GRIP1: variants seen among roughly 807,000 people sequenced by gnomAD.
GRIP1 encodes glutamate receptor-interacting protein 1.
A neutral mutation model predicts 129.9 loss-of-function variants in GRIP1; 45 were observed. That is an observed-to-expected ratio of 0.35 (90% CI 0.27 to 0.44). The LOEUF (loss-of-function observed/expected upper bound fraction) is 0.44, where lower values mean the gene tolerates loss of function less well. Ranked by LOEUF, GRIP1 falls within the 20% of genes least tolerant of loss-of-function variation. The pLI is 1.00. For missense variants in GRIP1, 1,196 were observed against 1,396.8 expected (o/e 0.86, Z 2.29); for synonymous variants, 530 against 520.8 (o/e 1.02, Z -0.24).
chr12:66,906,615 C>T (rs1460551690), intron 1 of GRIP1, among the ~76,000 whole-genome samples: 3 of 152,098 alleles, frequency 2.0e-5, no homozygotes, highest in African/African-American at 4.8e-5. Context: ...CACTCTGGGA[C>T]TAGGTCATCC....
At chr12:67,010,423 A>T (rs552433999) in intron 1 of GRIP1, among the ~76,000 whole-genome samples, 84 of 152,090 alleles carry the variant, frequency 5.5e-4, no homozygotes, top group African/African-American at 1.9e-3. Flanking sequence ...ATTCACATTT[A>T]AAAAAAATAA....
At chr12:66,531,250 AAAATATATAT>A (rs2061443025) in intron 4 of GRIP1, among the ~76,000 whole-genome samples, 5 of 35,110 alleles carry the variant, frequency 1.4e-4, no homozygotes, top group Non-Finnish European at 9.8e-5. Flanking sequence ...AAAAAAAAAA[AAAATATATAT>A]ATATATATAT....
intron 1 of GRIP1, among the ~76,000 whole-genome samples, chr12:66,702,383 T>C (rs2035379941): frequency 6.6e-6 from 1 of 152,166 alleles, no homozygotes; most frequent in Admixed American, 6.6e-5. Context: ...TATGCTAAAT[T>C]CTCTGCTTTT....
intron 4 of GRIP1, among the ~76,000 whole-genome samples, chr12:66,532,489 C>G (rs1236583549): frequency 6.6e-6 from 1 of 152,132 alleles, no homozygotes; most frequent in Non-Finnish European, 1.5e-5. Flanking sequence ...TTTGAAATTA[C>G]AAACTCCTTC....
At chr12:66,737,563 T>C (rs2036646768) in intron 1 of GRIP1, among the ~76,000 whole-genome samples, 1 of 152,202 alleles carries the variant, frequency 6.6e-6, no homozygotes, top group Non-Finnish European at 1.5e-5. Context: ...ATTACAGGCA[T>C]GAGCTCACCT....
chr12:67,004,969 C>T (rs553321552), intron 1 of GRIP1, among the ~76,000 whole-genome samples: 1 of 151,708 alleles, frequency 6.6e-6, no homozygotes, highest in East Asian at 1.9e-4. Context: ...TCTTCCAGTG[C>T]AACCATGAGA....
intron 1 of GRIP1, among the ~76,000 whole-genome samples, chr12:67,055,743 T>A (rs1325357879): frequency 6.6e-6 from 1 of 152,212 alleles, no homozygotes; most frequent in Non-Finnish European, 1.5e-5. Flanking sequence ...TGTTTTTATA[T>A]GATTATGAGA....
At chr12:66,474,137 A>C (rs2059530265) in intron 7 of GRIP1, among the ~76,000 whole-genome samples, 1 of 152,040 alleles carries the variant, frequency 6.6e-6, no homozygotes, top group Non-Finnish European at 1.5e-5. Flanking sequence ...GAAGAACATA[A>C]ATGACCTGTT....
intron 19 of GRIP1, among the ~76,000 whole-genome samples, chr12:66,381,435 C>A (rs1180509548): frequency 1.3e-5 from 2 of 152,192 alleles, no homozygotes; most frequent in Non-Finnish European, 2.9e-5. Flanking sequence ...CCTTCTGAAC[C>A]AATCAAACCA....
Position 66,956,812 on chromosome 12 carries a change from G to A in GRIP1, c.58+112238C>T, listed in dbSNP as rs143632630. ...GATGTCACTGCATCAAGGCCCCCTCGGCATACAGAGCTGTGCAATATGTGC... is the reference window on the plus strand; with the variant it reads ...GATGTCACTGCATCAAGGCCCCCTCAGCATACAGAGCTGTGCAATATGTGC... On this transcript the variant is annotated intron_variant, in intron 1 of 1. Transcript: ENST00000643019. 2.7e-3 allele frequency among the ~76,000 whole-genome samples: 418 copies of A among 152,084 alleles called. 4 individuals are homozygous for A. Among genetic ancestry groups the A allele is most frequent in the African/African-American group, 9.6e-3 (397 of 41,492 alleles).
At chr12:66,676,468 C>G (rs1295216997) in intron 1 of GRIP1, among the ~76,000 whole-genome samples, 2 of 152,118 alleles carry the variant, frequency 1.3e-5, no homozygotes, top group African/African-American at 4.8e-5. Flanking sequence ...GTTTTAGCCA[C>G]AAGAGGCCTA....
intron 7 of GRIP1, among the ~76,000 whole-genome samples, chr12:66,487,398 GA>G (rs1463049618): frequency 6.6e-6 from 1 of 152,124 alleles, no homozygotes. Context: ...AAGCAAAGGA[GA>G]AATAAGGTCT....
At chr12:66,650,976 C>T (rs1427380327) in intron 1 of GRIP1, among the ~76,000 whole-genome samples, 1 of 152,164 alleles carries the variant, frequency 6.6e-6, no homozygotes, top group Non-Finnish European at 1.5e-5. Context: ...CATAGCACTG[C>T]TGTAAGGACT....
At chr12:66,949,760 C>CTTTTTTT (rs781123585) in intron 1 of GRIP1, among the ~76,000 whole-genome samples, 42 of 85,458 alleles carry the variant, frequency 4.9e-4, no homozygotes, top group Non-Finnish European at 6.6e-4. Context: ...CATGCTCCTC[C>CTTTTTTT]TTTTTTTTTT....
chr12:66,626,005 G>C (rs748267189), intron 1 of GRIP1, among the ~76,000 whole-genome samples: 15 of 152,052 alleles, frequency 9.9e-5, no homozygotes, highest in Non-Finnish European at 1.8e-4. Flanking sequence ...CACTTCTGGA[G>C]GGGAGATTCT....
chr12:66,530,975 G>A (rs1026983651), intron 4 of GRIP1, among the ~76,000 whole-genome samples: 1 of 151,640 alleles, frequency 6.6e-6, no homozygotes, highest in African/African-American at 2.4e-5. Context: ...GGTGGCTCAC[G>A]CCTGTAATCC....
intron 1 of GRIP1, among the ~76,000 whole-genome samples, chr12:66,998,701 C>T (rs2042505661): frequency 6.6e-6 from 1 of 151,990 alleles, no homozygotes; most frequent in Non-Finnish European, 1.5e-5. Context: ...CAGATCAGGC[C>T]CATATTCTGT....
chr12:66,453,455 T>C (rs2058865977), intron 11 of GRIP1, among the ~76,000 whole-genome samples: 1 of 152,188 alleles, frequency 6.6e-6, no homozygotes, highest in South Asian at 2.1e-4. Context: ...AGGCATTACA[T>C]AGAAGACTAA....
At chr12:66,637,525 A>T (rs1339325136) in intron 1 of GRIP1, among the ~76,000 whole-genome samples, 1 of 151,998 alleles carries the variant, frequency 6.6e-6, no homozygotes, top group Non-Finnish European at 1.5e-5. Flanking sequence ...ATCTTGGTCC[A>T]GAAATTTTTG....
Sources: allele counts gnomAD v4.1 joint callset (sites outside exome capture counted in the v4.1 genomes callset), GRCh38; gene constraint gnomAD v4.1.1; transcripts MANE v1.5; gene names NCBI Gene and HGNC (gene_info 2026-07-23, HGNC 2026-07-21).